EFCAB8: variants seen among roughly 807,000 people sequenced by gnomAD.
EFCAB8 encodes EF-hand calcium binding domain 8.
In EFCAB8, 100 loss-of-function variants were observed where a neutral mutation model predicts 116.3. The observed-to-expected ratio is 0.86, with a 90% CI of 0.73 to 1.02. The LOEUF (loss-of-function observed/expected upper bound fraction) is 1.02. Among genes scored for constraint, EFCAB8 ranks in the 50% least tolerant of loss-of-function variants. The probability of loss-of-function intolerance (pLI) is 0.00; values close to 1 mark genes in which losing one functional copy is unlikely to be tolerated. For missense variants in EFCAB8, 1,320 were observed against 1,416.9 expected (o/e 0.93, Z 1.10); for synonymous variants, 558 against 567.9 (o/e 0.98, Z 0.25).
intron 23 of EFCAB8, among the ~76,000 whole-genome samples, chr20:32,954,562 A>G (rs1450764084): frequency 6.6e-6 from 1 of 152,130 alleles, no homozygotes; most frequent in African/African-American, 2.4e-5. Context: ...CAGCAAGTAG[A>G]TGTTTTTGTT....
chr20:32,903,143 CT>C (rs1305428032), intron 11 of EFCAB8, among the ~76,000 whole-genome samples: 1 of 152,252 alleles, frequency 6.6e-6, no homozygotes, highest in Non-Finnish European at 1.5e-5. Context: ...GGATTGGGCC[CT>C]GCCCATCTCG....
At chr20:32,937,031 C>T (rs1241159908) in intron 22 of EFCAB8, among the ~76,000 whole-genome samples, 1 of 151,940 alleles carries the variant, frequency 6.6e-6, no homozygotes, top group African/African-American at 2.4e-5. Flanking sequence ...AAATTTACCC[C>T]TAAGTATTTT....
chr20:32,907,374 C>G (rs1010257056), intron 13 of EFCAB8, among the ~76,000 whole-genome samples: 2 of 147,444 alleles, frequency 1.4e-5, no homozygotes, highest in Admixed American at 1.3e-4. Flanking sequence ...CCCCTGCCCT[C>G]GATCTGCACC....
intron 3 of EFCAB8, among the ~76,000 whole-genome samples, chr20:32,869,030 T>C (rs1316039640): frequency 6.6e-6 from 1 of 151,168 alleles, no homozygotes; most frequent in Non-Finnish European, 1.5e-5. Flanking sequence ...CATCTTGGGG[T>C]TGACTGGGGA....
chr20:32,937,792 T>G (rs1261713493), intron 22 of EFCAB8, among the ~76,000 whole-genome samples: 1 of 149,238 alleles, frequency 6.7e-6, no homozygotes, highest in Non-Finnish European at 1.5e-5. Flanking sequence ...CTAATTTTTG[T>G]ATTTTTAGTA....
At chr20:32,900,598 C>T (rs932741952) in intron 11 of EFCAB8, among the ~76,000 whole-genome samples, 2 of 148,434 alleles carry the variant, frequency 1.3e-5, no homozygotes, top group Non-Finnish European at 3.0e-5. Context: ...GACGGAGTCT[C>T]ACTGTGTTGC....
intron 17 of EFCAB8, among the ~76,000 whole-genome samples, chr20:32,913,226 G>A (rs528345107): frequency 6.6e-6 from 1 of 152,244 alleles, no homozygotes; most frequent in East Asian, 1.9e-4. Context: ...TTCTGGAGAT[G>A]GGGGAAGTTC....
At chr20:32,871,783 C>G (rs1319376586) in intron 3 of EFCAB8, among the ~76,000 whole-genome samples, 1 of 152,146 alleles carries the variant, frequency 6.6e-6, no homozygotes, top group African/African-American at 2.4e-5. Context: ...AGGGGACATG[C>G]CAGTGTCCTT....
chr20:32,931,341 G>A lies in EFCAB8; in HGVS notation c.2790+5G>A, dbSNP rs1179229116. ...ATTCCCTTGGAGGATAAAGAGGTAG[G>A]AGGATTACTGGAGAGTTGCTCAGGA... is the stretch of plus-strand genomic sequence containing the variant. On this transcript the variant is annotated splice_donor_5th_base_variant and intron_variant, in intron 22 of 26. Coordinates refer to ENST00000400522, the MANE Select transcript of EFCAB8 (RefSeq NM_001143967.2). 2.0e-6 allele frequency: 3 copies of A among 1,534,876 alleles called. No homozygotes were observed. The highest frequency in any genetic ancestry group is 2.4e-5 in the East Asian group (1 of 40,846).
At chr20:32,912,734 G>C in intron 16 of EFCAB8, 60 bp from the exon 17 acceptor site, 1 of 715,264 alleles carries the variant, frequency 1.4e-6, no homozygotes, top group South Asian at 1.5e-5. Context: ...AAGACATTTA[G>C]GGCCCAGAGC....
chr20:32,907,083 C>G, intron 13 of EFCAB8, 89 bp downstream of exon 13: 1 of 1,439,586 alleles, frequency 6.9e-7, no homozygotes, highest in East Asian at 2.5e-5. Context: ...CCCACGGCCC[C>G]ACATCTGGCC....
intron 9 of EFCAB8, among the ~76,000 whole-genome samples, chr20:32,895,332 T>G (rs2146216209): frequency 6.6e-6 from 1 of 150,612 alleles, no homozygotes; most frequent in Admixed American, 6.6e-5. Flanking sequence ...TTTTTTTTTT[T>G]TTTACATTTT....
At chr20:32,877,333 C>T (rs996759966) in intron 4 of EFCAB8, among the ~76,000 whole-genome samples, 2 of 151,654 alleles carry the variant, frequency 1.3e-5, no homozygotes, top group South Asian at 2.1e-4. Flanking sequence ...CTCAGCCTCC[C>T]GAGTAGCTGG....
chr20:32,864,596 A>G (rs1237231673), intron 2 of EFCAB8, among the ~76,000 whole-genome samples: 1 of 152,036 alleles, frequency 6.6e-6, no homozygotes, highest in Admixed American at 6.6e-5. Context: ...AAACAAAACA[A>G]AAAAGCTACA....
intron 20 of EFCAB8, among the ~76,000 whole-genome samples, chr20:32,929,123 A>ATATT (rs760338479): frequency 2.0e-5 from 3 of 150,622 alleles, no homozygotes; most frequent in Non-Finnish European, 4.4e-5. Flanking sequence ...TTCATAAGGG[A>ATATT]TATTTCTCTG....
chr20:32,914,095 A>T (rs189814543), intron 17 of EFCAB8, among the ~76,000 whole-genome samples: 47 of 151,810 alleles, frequency 3.1e-4, no homozygotes, highest in Admixed American at 3.0e-3. Context: ...CTGCTGGGAG[A>T]CCCTGTCCTT....
At position 32,912,828 on chromosome 20, in the gene EFCAB8, A is replaced by G. The variant is rs766859387; in HGVS notation, c.1820A>G (p.Tyr607Cys). 1.4e-5 allele frequency: 10 copies of G among 718,914 alleles called. No individual in the cohort carries two copies. Among genetic ancestry groups the G allele is most frequent in the Middle Eastern group, 4.5e-4 (2 of 4,398 alleles). The allele number at this position is 718,914 out of a possible 1,614,324, so 44.5% of individuals were successfully genotyped here. Residue 607 changes from tyrosine (Y) to cysteine (C), a missense_variant, in exon 17 of 27, where the codon TAT becomes TGT. Tyr to Cys is a radical substitution (Grantham distance 194, BLOSUM62 -2). Transcript: ENST00000400522. Reference protein sequence around the residue: ...SGIIHMNKVFYVTGWSKRITH... With the variant: ...SGIIHMNKVFCVTGWSKRITH... ...ATTATCCATATGAACAAAGTGTTCT[A>G]TGTGACAGGATGGAGTAAGAGAATC...
At chr20:32,863,271 G>A (rs142772292) in intron 1 of EFCAB8, among the ~76,000 whole-genome samples, 433 of 152,262 alleles carry the variant, frequency 2.8e-3, no homozygotes, top group Non-Finnish European at 4.5e-3. Context: ...TGACCCAATA[G>A]AAACGTTCTC....
chr20:32,913,748 G>T (rs979911727), intron 17 of EFCAB8, among the ~76,000 whole-genome samples: 1 of 151,656 alleles, frequency 6.6e-6, no homozygotes, highest in African/African-American at 2.4e-5. Flanking sequence ...GGTGGGGCAG[G>T]CATAGGATAG....
Sources: allele counts gnomAD v4.1 joint callset (sites outside exome capture counted in the v4.1 genomes callset), GRCh38; gene constraint gnomAD v4.1.1; transcripts MANE v1.5; gene names NCBI Gene and HGNC (gene_info 2026-07-23, HGNC 2026-07-21).